Variants in ADAMTS20 observed in about 807,000 individuals in gnomAD.
ADAMTS20 encodes A disintegrin and metalloproteinase with thrombospondin motifs 20.
A neutral mutation model predicts 260.1 loss-of-function variants in ADAMTS20; 225 were observed. The ratio of observed to expected loss-of-function variants is 0.87; its 90% confidence interval spans 0.78 to 0.97. The LOEUF (loss-of-function observed/expected upper bound fraction) is 0.97. Among genes scored for constraint, ADAMTS20 ranks in the 50% least tolerant of loss-of-function variants. The pLI is 0.00. For synonymous variants in ADAMTS20, 802 were observed against 769.5 expected, an observed-to-expected ratio of 1.04 and a Z score of -0.70; for missense variants, 2,400 against 2,337.7, an observed-to-expected ratio of 1.03 and a Z score of -0.55.
In ADAMTS20 at chr12:43,354,112, A is replaced by T; in HGVS notation, c.*97T>A. ...AAAGGCAGAGACATATTGGACATGG[A>T]AATCTCGGGAAGGGAGATATAAAGA... On this transcript the variant is annotated 3_prime_UTR_variant, in exon 39 of 39. Coordinates refer to ENST00000389420, the MANE Select transcript of ADAMTS20 (RefSeq NM_025003.5). 1 of 905,410 alleles carries T rather than the reference A, an allele frequency of 1.1e-6. No individual in the cohort carries two copies. The highest frequency in any genetic ancestry group is 1.6e-6 in the Non-Finnish European group (1 of 609,508). 56.1% of individuals were successfully genotyped at this position (905,410 alleles called of 1,614,324 possible). A position where few individuals can be genotyped will look rare whatever the true frequency, so the allele number is the denominator to read the frequency against.
intron 3 of ADAMTS20, among the ~76,000 whole-genome samples, chr12:43,505,332 C>T (rs991213786): frequency 6.6e-6 from 1 of 151,962 alleles, no homozygotes; most frequent in Non-Finnish European, 1.5e-5. Context: ...AGGACACAAT[C>T]AACAAAGCAA....
chr12:43,355,208 G>A (rs1592020938), intron 38 of ADAMTS20, among the ~76,000 whole-genome samples: 1 of 152,310 alleles, frequency 6.6e-6, no homozygotes, highest in East Asian at 1.9e-4. Flanking sequence ...GAGAATCTGA[G>A]TACACAGAGA....
intron 11 of ADAMTS20, among the ~76,000 whole-genome samples, chr12:43,454,320 A>T (rs1186989825): frequency 6.6e-6 from 1 of 152,196 alleles, no homozygotes; most frequent in African/African-American, 2.4e-5. Context: ...GTAAAATGGA[A>T]TATGGCGGGT....
intron 4 of ADAMTS20, among the ~76,000 whole-genome samples, chr12:43,497,561 A>G (rs1021869390): frequency 3.9e-5 from 6 of 152,174 alleles, no homozygotes; most frequent in Non-Finnish European, 8.8e-5. Flanking sequence ...ATGTGCAAAT[A>G]ATTAAGAATA....
Position 43,429,680 on chromosome 12 carries a change from G to A in ADAMTS20, c.3426C>T (p.Thr1142=), listed in dbSNP as rs376977266. The A allele has an allele frequency of 7.8e-5, 125 of 1,597,516 alleles. 1 individual carries two copies. In the Middle Eastern group the frequency reaches 1.2e-3, roughly 15 times the overall value. The change falls in exon 24 of 39, where the codon ACC becomes ACT. Residue 1142 remains threonine (T), a synonymous_variant. Coordinates refer to ENST00000389420, the MANE Select transcript of ADAMTS20 (RefSeq NM_025003.5). ...TPCSFISKLE[T]ALLPTVLIKK... ...TTATGAGAACAGTTGGTAATAAAGC[G>A]GTCTCAAGTTTAGAAATAAATGAGC... is the stretch of plus-strand genomic sequence containing the variant.
chr12:43,532,038 G>C lies in ADAMTS20; in HGVS notation c.611C>G (p.Ser204Ter), dbSNP rs367649909. The change falls in exon 3 of 39, where the codon TCA (serine) becomes TGA (stop). Residue 204 changes from serine to a stop codon, truncating the protein, a stop_gained and splice_region_variant. Transcript: ENST00000389420. LOFTEE classifies it high-confidence loss of function. ...FLQTLKYCSV[S>*]ESQIKETSLP... ...AAGAGTTCTATTTCACAGTTTACCT[G>C]ACACACTGCAATACTTCAGAGTCTG... 262 of 1,560,718 alleles carry C rather than the reference G, an allele frequency of 1.7e-4. No individual in the cohort carries two copies. Among genetic ancestry groups the C allele is most frequent in the Non-Finnish European group, 2.2e-4 (252 of 1,152,216 alleles).
chr12:43,433,773 T>A (rs746825862), intron 19 of ADAMTS20: 1 of 484,516 alleles, frequency 2.1e-6, no homozygotes, highest in Non-Finnish European at 4.1e-6. Flanking sequence ...AAATTAGAAG[T>A]ATAAACTTGC....
intron 7 of ADAMTS20, among the ~76,000 whole-genome samples, chr12:43,484,829 C>T (rs1942497452): frequency 6.6e-6 from 1 of 152,020 alleles, no homozygotes; most frequent in African/African-American, 2.4e-5. Flanking sequence ...CAGATACATT[C>T]AGACATTCAG....
chr12:43,460,536 T>A (rs917141678), intron 11 of ADAMTS20, among the ~76,000 whole-genome samples: 2 of 152,182 alleles, frequency 1.3e-5, no homozygotes, highest in African/African-American at 4.8e-5. Flanking sequence ...TGTTTGGCAC[T>A]GTCTTATGAT....
Position 43,376,046 on chromosome 12 carries a change from A to G in ADAMTS20, c.5312+11T>C. On this transcript the variant is annotated intron_variant, in intron 35 of 38. Transcript: ENST00000389420. ...TGAAAATGCTCAGATAGACCAAAAC[A>G]CATCTCGTACCTAAAGCCATACACT... 1 of 1,589,328 alleles carries G rather than the reference A, an allele frequency of 6.3e-7. No homozygotes were observed. Among genetic ancestry groups the G allele is most frequent in the Non-Finnish European group, 8.6e-7 (1 of 1,169,212 alleles).
intron 28 of ADAMTS20, among the ~76,000 whole-genome samples, chr12:43,412,729 C>A (rs77787524): frequency 1.3e-5 from 2 of 151,450 alleles, no homozygotes; most frequent in Non-Finnish European, 2.9e-5. Flanking sequence ...TGTGAAAATT[C>A]TCCTAAGGCC....
At chr12:43,513,477 T>C (rs1049356455) in intron 3 of ADAMTS20, among the ~76,000 whole-genome samples, 4 of 152,186 alleles carry the variant, frequency 2.6e-5, no homozygotes, top group African/African-American at 9.7e-5. Context: ...GCTTTTGGCA[T>C]CTTAACGTCT....
chr12:43,463,569 T>G (rs1218849704), intron 10 of ADAMTS20, among the ~76,000 whole-genome samples: 1 of 152,162 alleles, frequency 6.6e-6, no homozygotes, highest in Non-Finnish European at 1.5e-5. Flanking sequence ...AAAGTTTATT[T>G]AGTGTCTAAA....
chr12:43,491,611 A>C (rs1172459149), intron 6 of ADAMTS20, among the ~76,000 whole-genome samples: 2 of 152,194 alleles, frequency 1.3e-5, no homozygotes, highest in African/African-American at 4.8e-5. Flanking sequence ...AATGTATAGC[A>C]TTGCTTGTAA....
At chr12:43,500,080 G>C (rs1276595650) in intron 4 of ADAMTS20, among the ~76,000 whole-genome samples, 5 of 150,902 alleles carry the variant, frequency 3.3e-5, no homozygotes, top group Non-Finnish European at 7.4e-5. Flanking sequence ...CCAGACTGGA[G>C]TGCAGTGGCA....
At chr12:43,358,255 G>A (rs1430944417) in intron 37 of ADAMTS20, among the ~76,000 whole-genome samples, 1 of 152,090 alleles carries the variant, frequency 6.6e-6, no homozygotes, top group Non-Finnish European at 1.5e-5. Flanking sequence ...AGAGCCTTAG[G>A]TGGTCATTAA....
At position 43,477,705 on chromosome 12, in the gene ADAMTS20, A is replaced by G. The variant is rs563870130; in HGVS notation, c.1118-9000T>C. ...AGCATGCAGGCATATGTACACACAT[A>G]TACACACATTCATACTTTTCAAATT... On this transcript the variant is annotated intron_variant, in intron 7 of 38. Coordinates refer to ENST00000389420, the MANE Select transcript of ADAMTS20 (RefSeq NM_025003.5). 7.2e-5 allele frequency among the ~76,000 whole-genome samples: 11 copies of G among 152,256 alleles called. No homozygotes were observed. In the East Asian group the frequency reaches 2.1e-3, roughly 29 times the overall value.
At chr12:43,376,483 A>G (rs780789609) in intron 33 of ADAMTS20, 41 bp downstream of exon 33, 249 of 1,571,620 alleles carry the variant, frequency 1.6e-4, no homozygotes, top group Non-Finnish European at 1.8e-4. Flanking sequence ...GAAACTTATT[A>G]GAAACCCTTA....
chr12:43,412,828 T>C (rs1201002500), intron 28 of ADAMTS20, among the ~76,000 whole-genome samples: 2 of 115,954 alleles, frequency 1.7e-5, no homozygotes, highest in African/African-American at 3.1e-5. Context: ...TTTTTTTTTT[T>C]TGAGACAGAG....
Sources: gnomAD v4.1 joint callset for allele counts (sites outside exome capture counted in the v4.1 genomes callset) on GRCh38, gnomAD v4.1.1 for gene constraint, MANE v1.5 for transcripts, NCBI Gene and HGNC (gene_info 2026-07-23, HGNC 2026-07-21) for gene names.